ARL15: variants seen among roughly 807,000 people sequenced by gnomAD.
ARL15 encodes the protein ADP-ribosylation factor-like protein 15.
A neutral mutation model predicts 25.2 loss-of-function variants in ARL15; 19 were observed. That is an observed-to-expected ratio of 0.75 (90% CI 0.53 to 1.10). ARL15 has a LOEUF of 1.10. ARL15 is among the 50% of genes least tolerant of loss of function. The pLI, the probability that ARL15 is intolerant of heterozygous loss-of-function variation, is 0.00. For synonymous variants in ARL15, 94 were observed against 86.8 expected (o/e 1.08, Z -0.46); for missense variants, 220 against 246.0 (o/e 0.89, Z 0.71).
chr5:54,087,654 T>C (rs779328288), intron 4 of ARL15, among the ~76,000 whole-genome samples: 6 of 135,372 alleles, frequency 4.4e-5, no homozygotes, highest in African/African-American at 1.1e-4. Flanking sequence ...CTCGTTTCCA[T>C]TGGCATTCAC....
chr5:54,033,585 T>C (rs1035645973), intron 4 of ARL15, among the ~76,000 whole-genome samples: 10 of 151,658 alleles, frequency 6.6e-5, no homozygotes, highest in South Asian at 2.1e-4. Context: ...GGCAGGAGAA[T>C]TGCTTGAACC....
chr5:54,046,778 G>C (rs1000518693), intron 4 of ARL15, among the ~76,000 whole-genome samples: 1 of 152,160 alleles, frequency 6.6e-6, no homozygotes, highest in Non-Finnish European at 1.5e-5. Flanking sequence ...GGCAGAAGGG[G>C]AGCCACATGG....
At chr5:53,910,700 T>G (rs2111977834) in intron 4 of ARL15, among the ~76,000 whole-genome samples, 1 of 141,656 alleles carries the variant, frequency 7.1e-6, no homozygotes. Context: ...AGAATTATGC[T>G]CGAACAGCTT....
chr5:53,957,321 G>C (rs970387497), intron 4 of ARL15, among the ~76,000 whole-genome samples: 11 of 152,054 alleles, frequency 7.2e-5, no homozygotes, highest in African/African-American at 2.7e-4. Flanking sequence ...TTAAAGTGCT[G>C]AAAGAATAAA....
At chr5:54,154,666 A>G in intron 2 of ARL15, 27 bp from the exon 3 acceptor site, 1 of 1,405,842 alleles carries the variant, frequency 7.1e-7, no homozygotes, top group Non-Finnish European at 9.6e-7. Context: ...AAAACATAAA[A>G]AAAGAATTAG....
intron 1 of ARL15, among the ~76,000 whole-genome samples, chr5:54,172,573 T>C (rs917754122): frequency 1.3e-5 from 2 of 152,162 alleles, no homozygotes; most frequent in Non-Finnish European, 2.9e-5. Context: ...TGAGAAAATA[T>C]TCTAATTATT....
At chr5:54,043,413 G>A (rs1167361070) in intron 4 of ARL15, among the ~76,000 whole-genome samples, 1 of 152,026 alleles carries the variant, frequency 6.6e-6, no homozygotes, top group African/African-American at 2.4e-5. Context: ...TGACATTCTA[G>A]GATTCTGCTC....
At chr5:53,997,815 T>C (rs1433689907) in intron 4 of ARL15, among the ~76,000 whole-genome samples, 1 of 151,990 alleles carries the variant, frequency 6.6e-6, no homozygotes, top group Admixed American at 6.6e-5. Flanking sequence ...TTTGGAAATC[T>C]CCACTTAAAA....
At chr5:54,104,322 C>A (rs953922755) in intron 4 of ARL15, among the ~76,000 whole-genome samples, 2 of 152,132 alleles carry the variant, frequency 1.3e-5, no homozygotes. Flanking sequence ...TAGGGAATGT[C>A]TTCTTCAGAC....
At chr5:53,992,276 G>C (rs1334623122) in intron 4 of ARL15, among the ~76,000 whole-genome samples, 2 of 151,840 alleles carry the variant, frequency 1.3e-5, no homozygotes, top group African/African-American at 4.8e-5. Flanking sequence ...ACCCTTGGGT[G>C]CCCTGGTATA....
rs1756332583 is a variant in ARL15, at chr5:54,220,211, CTTG to C, written c.49-48286_49-48284del. Among the ~76,000 whole-genome samples the C allele has an allele frequency of 3.9e-5, 6 of 152,264 alleles. No homozygotes were observed. In the South Asian group the frequency reaches 1.2e-3, roughly 32 times the overall value. On this transcript the variant is annotated intron_variant, in intron 1 of 4. Transcript: ENST00000504924. ...AGTTACCTGTTACCATATGTAGACA[CTTG>C]TGGTTGGCAGATGTGGAAAATACTT...
intron 3 of ARL15, among the ~76,000 whole-genome samples, chr5:54,137,734 G>A (rs1016080903): frequency 6.6e-6 from 1 of 152,126 alleles, no homozygotes; most frequent in African/African-American, 2.4e-5. Flanking sequence ...ATAAATGGAG[G>A]AGTATGTAAG....
chr5:54,238,540 A>G (rs1285773780), intron 1 of ARL15, among the ~76,000 whole-genome samples: 1 of 152,186 alleles, frequency 6.6e-6, no homozygotes, highest in Non-Finnish European at 1.5e-5. Flanking sequence ...AATATTTTTT[A>G]GGAACATAGA....
chr5:53,928,836 C>A (rs1746112977), intron 4 of ARL15, among the ~76,000 whole-genome samples: 1 of 152,168 alleles, frequency 6.6e-6, no homozygotes, highest in South Asian at 2.1e-4. Context: ...ATAAAACTCA[C>A]TGCGTTAACC....
At chr5:54,172,238 A>C (rs920234437) in intron 1 of ARL15, among the ~76,000 whole-genome samples, 10 of 152,210 alleles carry the variant, frequency 6.6e-5, no homozygotes, top group African/African-American at 2.4e-4. Context: ...GAATCTAAGC[A>C]TGAGGAAACC....
intron 3 of ARL15, among the ~76,000 whole-genome samples, chr5:54,145,609 G>GGTGT (rs149049636): frequency 6.6e-6 from 1 of 150,480 alleles, no homozygotes; most frequent in Non-Finnish European, 1.5e-5. Context: ...CTCAGAGGAT[G>GGTGT]GTGTGTGTGT....
chr5:53,963,435 T>G lies in ARL15; in HGVS notation c.463-76722A>C, dbSNP rs544491897. Among the ~76,000 whole-genome samples, 56 of 152,292 alleles carry G rather than the reference T, an allele frequency of 3.7e-4. 1 individual carries two copies. The highest frequency in any genetic ancestry group is 1.3e-3 in the African/African-American group (53 of 41,560). Reference sequence around the variant, plus strand: ...CATGAAAGGCAAGTTTCAGCTTTATTTCTTCACCCAATTTTATGAATTTCA... The same window carrying G: ...CATGAAAGGCAAGTTTCAGCTTTATGTCTTCACCCAATTTTATGAATTTCA... On this transcript the variant is annotated intron_variant, in intron 4 of 4. Coordinates refer to ENST00000504924, the MANE Select transcript of ARL15 (RefSeq NM_019087.3).
intron 4 of ARL15, among the ~76,000 whole-genome samples, chr5:53,902,470 T>G (rs1260739189): frequency 6.6e-6 from 1 of 152,230 alleles, no homozygotes; most frequent in African/African-American, 2.4e-5. Flanking sequence ...GTTATTTGGC[T>G]TTTGTAATGG....
intron 1 of ARL15, among the ~76,000 whole-genome samples, chr5:54,293,063 G>A (rs1758375144): frequency 6.6e-6 from 1 of 152,198 alleles, no homozygotes; most frequent in African/African-American, 2.4e-5. Context: ...AACTCATGCT[G>A]CCAGAGTAAC....
Sources: gnomAD v4.1 joint callset for allele counts (sites outside exome capture counted in the v4.1 genomes callset) on GRCh38, gnomAD v4.1.1 for gene constraint, MANE v1.5 for transcripts, NCBI Gene and HGNC (gene_info 2026-07-23, HGNC 2026-07-21) for gene names.